The following GLIS1 variants were observed in gnomAD, a reference collection of about 807,000 sequenced individuals.
GLIS1 encodes GLIS family zinc finger 1.
A neutral mutation model predicts 63.8 loss-of-function variants in GLIS1; 24 were observed. That is an observed-to-expected ratio of 0.38 (90% CI 0.27 to 0.53). GLIS1 has a LOEUF of 0.53. Ranked by LOEUF, GLIS1 falls within the 20% of genes least tolerant of loss-of-function variation. The pLI is 0.85. For missense variants in GLIS1, 1,036 were observed against 1,074.1 expected (o/e 0.96, Z 0.50); for synonymous variants, 450 against 482.5 (o/e 0.93, Z 0.88).
rs150806008 is a variant in GLIS1, at chr1:53,532,590, C to T, written c.1321-2638G>A. Among the ~76,000 whole-genome samples, 535 of 152,368 alleles carry T rather than the reference C, an allele frequency of 3.5e-3. 2 individuals carry two copies. The highest frequency in any genetic ancestry group is 0.012 in the African/African-American group (502 of 41,594). On this transcript the variant is annotated intron_variant, in intron 4 of 10. Transcript: ENST00000628545. ...TAGGCTGCAAGCCACCTCCCTTGCT[C>T]GCCTGCAATGGCCTTGTGCCAAGTT...
At chr1:53,636,818 T>G (rs1444500662) in intron 2 of GLIS1, among the ~76,000 whole-genome samples, 2 of 152,208 alleles carry the variant, frequency 1.3e-5, no homozygotes, top group Non-Finnish European at 1.5e-5. Flanking sequence ...CACGCCACTC[T>G]CCACCTGCGC....
chr1:53,597,739 C>A (rs1645274069), intron 3 of GLIS1, among the ~76,000 whole-genome samples: 1 of 151,982 alleles, frequency 6.6e-6, no homozygotes, highest in Non-Finnish European at 1.5e-5. Context: ...GGAAAATGAG[C>A]GAGTCTGAAA....
chr1:53,540,733 C>G (rs113799087), intron 4 of GLIS1, among the ~76,000 whole-genome samples: 2 of 152,154 alleles, frequency 1.3e-5, no homozygotes, highest in African/African-American at 4.8e-5. Context: ...CACCAGGGAC[C>G]GCCTGCCCAG....
intron 2 of GLIS1, among the ~76,000 whole-genome samples, chr1:53,724,894 G>A (rs755348347): frequency 6.6e-6 from 1 of 152,038 alleles, no homozygotes; most frequent in Non-Finnish European, 1.5e-5. Flanking sequence ...GATCACTGTA[G>A]GATAATGAAA....
intron 2 of GLIS1, among the ~76,000 whole-genome samples, chr1:53,723,962 C>T (rs1375054288): frequency 1.3e-5 from 2 of 152,162 alleles, no homozygotes; most frequent in Non-Finnish European, 2.9e-5. Context: ...GGGTTACCCG[C>T]TAAGGAACCA....
chr1:53,735,874 G>C (rs1646907598), intron 2 of GLIS1, among the ~76,000 whole-genome samples: 1 of 152,152 alleles, frequency 6.6e-6, no homozygotes, highest in African/African-American at 2.4e-5. Flanking sequence ...TGACTGCACT[G>C]TGAGGAAAAG....
intron 4 of GLIS1, among the ~76,000 whole-genome samples, chr1:53,581,790 AGAG>A (rs1645087821): frequency 6.6e-6 from 1 of 152,046 alleles, no homozygotes; most frequent in Admixed American, 6.5e-5. Context: ...AGAGCAAGAG[AGAG>A]GAGTGTGGAA....
At chr1:53,543,012 G>C (rs992565047) in intron 4 of GLIS1, among the ~76,000 whole-genome samples, 4 of 150,752 alleles carry the variant, frequency 2.7e-5, no homozygotes, top group African/African-American at 1.0e-4. Flanking sequence ...CCTTGGTTCA[G>C]TGTAAGCCCC....
chr1:53,508,183 G>A (rs1265333053), intron 10 of GLIS1, among the ~76,000 whole-genome samples: 1 of 152,178 alleles, frequency 6.6e-6, no homozygotes, highest in East Asian at 1.9e-4. Flanking sequence ...CGAGAGTGCA[G>A]CCCTGCCAGC....
intron 2 of GLIS1, among the ~76,000 whole-genome samples, chr1:53,618,497 C>T (rs775418441): frequency 1.3e-5 from 2 of 152,196 alleles, no homozygotes; most frequent in African/African-American, 2.4e-5. Flanking sequence ...TGAACATTTC[C>T]ATGAAGCAGC....
Position 53,594,541 on chromosome 1 carries a change from C to T in GLIS1, c.887G>A (p.Arg296Gln), listed in dbSNP as rs549929631. The part of the protein sequence containing the change: ...GDLGGPSKRA[R>Q]PGPASTDSHE... ...GCTGTCCGTCGATGCAGGGCCAGGCCGGGCCCGCTTGGAAGGGCCCCCCAG... is the reference window on the plus strand; with the variant it reads ...GCTGTCCGTCGATGCAGGGCCAGGCTGGGCCCGCTTGGAAGGGCCCCCCAG... Residue 296 changes from arginine (R) to glutamine (Q), a missense_variant, in exon 4 of 11, where the codon CGG becomes CAG. Arg to Gln is a conservative substitution (Grantham distance 43). Transcript: ENST00000628545. 7 of 1,605,576 alleles carry T rather than the reference C, an allele frequency of 4.4e-6. No homozygotes were observed. Among genetic ancestry groups the T allele is most frequent in the East Asian group, 2.2e-5 (1 of 44,628 alleles).
At chr1:53,549,760 G>A (rs971981374) in intron 4 of GLIS1, among the ~76,000 whole-genome samples, 4 of 152,178 alleles carry the variant, frequency 2.6e-5, no homozygotes, top group African/African-American at 9.7e-5. Flanking sequence ...CAATGTTCCA[G>A]GCCCTATTTC....
intron 4 of GLIS1, among the ~76,000 whole-genome samples, chr1:53,563,254 C>T (rs1644908389): frequency 6.6e-6 from 1 of 152,192 alleles, no homozygotes; most frequent in Admixed American, 6.5e-5. Flanking sequence ...AAGCAATGAA[C>T]CACAACGCTG....
intron 2 of GLIS1, among the ~76,000 whole-genome samples, chr1:53,730,213 GC>G (rs1428904463): frequency 6.6e-6 from 1 of 152,074 alleles, no homozygotes; most frequent in African/African-American, 2.4e-5. Flanking sequence ...TTCTCTGCTT[GC>G]TAGGACAAAA....
At chr1:53,689,246 G>T (rs560880389) in intron 2 of GLIS1, among the ~76,000 whole-genome samples, 1 of 152,240 alleles carries the variant, frequency 6.6e-6, no homozygotes, top group South Asian at 2.1e-4. Flanking sequence ...AGCGAAGCAG[G>T]GGCCAGTGGA....
rs770275773 is a variant in GLIS1, at chr1:53,594,437, G to C, written c.991C>G (p.Leu331Val). Residue 331 changes from leucine (L) to valine (V), a missense_variant, in exon 4 of 11, where the codon CTC becomes GTC. Physicochemically the swap from Leu to Val is conservative, Grantham distance 32. Transcript: ENST00000628545. The stretch of plus-strand genomic sequence containing the variant: ...AGGCCCTGCTGGTGAGGCCCAAAGA[G>C]CTCTGAAAACTCATCCGCGGGTTCC... ...KQEPADEFSELFGPHQQGLPP... is the reference protein window; with the variant it reads ...KQEPADEFSEVFGPHQQGLPP... 1 of 1,612,924 alleles carries C rather than the reference G, an allele frequency of 6.2e-7. No individual in the cohort carries two copies. The highest frequency in any genetic ancestry group is 1.1e-5 in the South Asian group (1 of 91,084).
At chr1:53,545,831 C>T (rs149831716) in intron 4 of GLIS1, among the ~76,000 whole-genome samples, 6 of 152,204 alleles carry the variant, frequency 3.9e-5, no homozygotes, top group African/African-American at 7.2e-5. Context: ...TGTGCCCTTG[C>T]GTGAGTCGCT....
At chr1:53,671,791 T>C (rs1557514071) in intron 2 of GLIS1, among the ~76,000 whole-genome samples, 1 of 152,206 alleles carries the variant, frequency 6.6e-6, no homozygotes, top group Non-Finnish European at 1.5e-5. Context: ...TTTTTACAGA[T>C]GAGGAAATTC....
chr1:53,553,091 C>T (rs1321516752), intron 4 of GLIS1, among the ~76,000 whole-genome samples: 1 of 152,228 alleles, frequency 6.6e-6, no homozygotes. Context: ...ATACCCCTGT[C>T]CCACCTGGCT....
Sources: allele counts gnomAD v4.1 joint callset (sites outside exome capture counted in the v4.1 genomes callset), GRCh38; gene constraint gnomAD v4.1.1; transcripts MANE v1.5; gene names NCBI Gene and HGNC (gene_info 2026-07-23, HGNC 2026-07-21).